Variants in RPH3AL observed in about 807,000 individuals in gnomAD.
RPH3AL encodes the protein rabphilin 3A like (without C2 domains).
A neutral mutation model predicts 43.1 loss-of-function variants in RPH3AL; 38 were observed. That is an observed-to-expected ratio of 0.88 (90% CI 0.68 to 1.15). RPH3AL has a LOEUF of 1.15. Among genes scored for constraint, RPH3AL ranks in the 50% most tolerant of loss-of-function variants. The pLI is 0.00. For missense variants in RPH3AL, 462 were observed against 423.2 expected (o/e 1.09, Z -0.81); for synonymous variants, 189 against 176.3 (o/e 1.07, Z -0.57).
chr17:253,020 CAGTA>C (rs1390236444), intron 6 of RPH3AL, among the ~76,000 whole-genome samples: 4 of 152,148 alleles, frequency 2.6e-5, no homozygotes, highest in South Asian at 2.1e-4. Context: ...CAGGAGGCTA[CAGTA>C]AGTGTTTTTG....
chr17:238,565 C>T (rs774326875), intron 7 of RPH3AL, among the ~76,000 whole-genome samples: 1 of 152,226 alleles, frequency 6.6e-6, no homozygotes, highest in Non-Finnish European at 1.5e-5. Flanking sequence ...AACTGCAGCA[C>T]CCATCTTGTG....
rs76811844 is a variant in RPH3AL, at chr17:213,306, C to T, written c.*546G>A. On this transcript the variant is annotated 3_prime_UTR_variant, in exon 10 of 10. Transcript: ENST00000331302. ...AAACTAAACAGACCCAGGTTTCACC[C>T]ACGGTCCTGGGCCAGCCCATGGGAG... is the stretch of plus-strand genomic sequence containing the variant. The T allele has an allele frequency of 0.082, 13,052 of 159,892 alleles. 657 individuals carry two copies. Among genetic ancestry groups the T allele is most frequent in the East Asian group, 0.16 (833 of 5,240 alleles). The allele number at this position is 159,892 out of a possible 1,614,324, so 9.9% of individuals were successfully genotyped here. A position where few individuals can be genotyped will look rare whatever the true frequency, so the allele number is the denominator to read the frequency against.
At position 264,605 on chromosome 17, in the gene RPH3AL, A is replaced by C. The variant is rs2042279464; in HGVS notation, c.438+17163T>G. On this transcript the variant is annotated intron_variant, in intron 6 of 9. Coordinates refer to ENST00000331302, the MANE Select transcript of RPH3AL (RefSeq NM_006987.4). This position sits in a 1 kb window ranked among gnomAD's most constrained non-coding sequence, Gnocchi z 4.8. ...TGGTGGTTTTCCGCTGATCGGTGTG[A>C]GGAGGGCATGAAGCATGTCACAAGG... Among the ~76,000 whole-genome samples, 1 of 152,190 alleles carries C rather than the reference A, an allele frequency of 6.6e-6. No individual in the cohort carries two copies. The highest frequency in any genetic ancestry group is 1.5e-5 in the Non-Finnish European group (1 of 68,026).
intron 6 of RPH3AL, among the ~76,000 whole-genome samples, chr17:275,249 C>CA (rs1006332907): frequency 1.2e-5 from 1 of 86,486 alleles, no homozygotes; most frequent in Non-Finnish European, 2.9e-5. Context: ...AAACAAAAAA[C>CA]AAAAAAAGGA....
intron 7 of RPH3AL, among the ~76,000 whole-genome samples, chr17:242,795 C>T (rs865807570): frequency 4.3e-4 from 15 of 34,744 alleles, no homozygotes; most frequent in East Asian, 1.3e-3. Context: ...CCTCTAATGA[C>T]TACCTTCCTC....
intron 5 of RPH3AL, among the ~76,000 whole-genome samples, chr17:314,100 A>C (rs2043742653): frequency 6.6e-6 from 1 of 152,202 alleles, no homozygotes; most frequent in Admixed American, 6.5e-5. Flanking sequence ...ACTGTTGCCT[A>C]AGACATGGCT....
intron 3 of RPH3AL, among the ~76,000 whole-genome samples, chr17:326,527 A>T (rs1410355176): frequency 6.6e-6 from 1 of 152,144 alleles, no homozygotes; most frequent in African/African-American, 2.4e-5. Context: ...GCCACAGTGC[A>T]CAGTCGGTGG....
In RPH3AL at chr17:215,529, G is replaced by A. The variant is rs1390517489; in HGVS notation, c.876+125C>T. 4.3e-6 allele frequency: 4 copies of A among 922,148 alleles called. No individual in the cohort carries two copies. Among genetic ancestry groups the A allele is most frequent in the African/African-American group, 1.7e-5 (1 of 58,346 alleles). The allele number at this position is 922,148 out of a possible 1,614,324, so 57.1% of individuals were successfully genotyped here. On this transcript the variant is annotated intron_variant, in intron 9 of 9. Coordinates refer to ENST00000331302, the MANE Select transcript of RPH3AL (RefSeq NM_006987.4). The surrounding 1 kb of genome is among the most constrained non-coding windows in gnomAD (Gnocchi z 4.1). ...CTGGCTCACCTTGTTCCCCCGCACA[G>A]TGCTTGGTAAACAACATGCAGAATT...
At chr17:349,697 CTAAT>C (rs963039980) in intron 1 of RPH3AL, among the ~76,000 whole-genome samples, 1 of 152,168 alleles carries the variant, frequency 6.6e-6, no homozygotes, top group Admixed American at 6.5e-5. Flanking sequence ...TAAAAATTAA[CTAAT>C]TAATTCAATT....
chr17:294,615 G>A (rs111865291), intron 5 of RPH3AL, among the ~76,000 whole-genome samples: 7 of 117,112 alleles, frequency 6.0e-5, no homozygotes, highest in African/African-American at 9.9e-5. Context: ...CAGTGTGGGA[G>A]GGACACAGAT....
intron 6 of RPH3AL, among the ~76,000 whole-genome samples, chr17:253,485 G>A (rs1297988583): frequency 6.6e-6 from 1 of 152,136 alleles, no homozygotes; most frequent in African/African-American, 2.4e-5. Flanking sequence ...TGGCCTCCGG[G>A]TATGCGCAAT....
chr17:265,967 G>T (rs549475812), intron 6 of RPH3AL, among the ~76,000 whole-genome samples: 54 of 152,312 alleles, frequency 3.5e-4, no homozygotes, highest in African/African-American at 1.3e-3. Flanking sequence ...AGGGGGCAAA[G>T]CACAAGCAAG....
At chr17:298,966 A>C (rs948949141) in intron 5 of RPH3AL, among the ~76,000 whole-genome samples, 1 of 151,830 alleles carries the variant, frequency 6.6e-6, no homozygotes, top group Non-Finnish European at 1.5e-5. Flanking sequence ...TGCTCAAGTC[A>C]GCAGGCTGCA....
chr17:281,653 G>C, intron 6 of RPH3AL, 115 bp downstream of exon 6: 1 of 654,738 alleles, frequency 1.5e-6, no homozygotes, highest in South Asian at 1.9e-5. Context: ...CCCCATCTGA[G>C]AGCGTATCCA....
At chr17:321,698 G>C (rs746633678) in intron 3 of RPH3AL, 1 of 412,320 alleles carries the variant, frequency 2.4e-6, no homozygotes, top group Non-Finnish European at 4.3e-6. Context: ...CCGGGGACAA[G>C]GCACATGGGC....
chr17:278,018 C>G (rs986123554), intron 6 of RPH3AL, among the ~76,000 whole-genome samples: 2 of 152,030 alleles, frequency 1.3e-5, no homozygotes, highest in Non-Finnish European at 2.9e-5. Context: ...CTCTAAGCAC[C>G]AACATGGTCT....
rs141313232 is a variant in RPH3AL at position 307,577 on chromosome 17, C to G, written c.351+11843G>C. On this transcript the variant is annotated intron_variant, in intron 5 of 9. Transcript: ENST00000331302. ...ATCTCTACCTCCTCAGCCCCGGGGC[C>G]TGGCACGAAGGTGAGCTGAGTGCAC... is the stretch of plus-strand genomic sequence containing the variant. Among the ~76,000 whole-genome samples the G allele has an allele frequency of 2.7e-3, 412 of 152,332 alleles. 3 individuals are homozygous for G. The highest frequency in any genetic ancestry group is 9.3e-3 in the African/African-American group (386 of 41,594).
At chr17:269,045 A>AT (rs899788136) in intron 6 of RPH3AL, among the ~76,000 whole-genome samples, 5 of 151,776 alleles carry the variant, frequency 3.3e-5, no homozygotes, top group South Asian at 4.2e-4. Context: ...CGCCTGGCTA[A>AT]TTTTTTGTAT....
intron 6 of RPH3AL, among the ~76,000 whole-genome samples, chr17:280,785 G>A (rs896316832): frequency 6.6e-6 from 1 of 152,178 alleles, no homozygotes; most frequent in Admixed American, 6.5e-5. Context: ...TGGGAGCTGT[G>A]GGGGATGGTT....
Sources: allele counts gnomAD v4.1 joint callset (sites outside exome capture counted in the v4.1 genomes callset), GRCh38; gene constraint gnomAD v4.1.1; non-coding constraint Gnocchi (gnomAD v3.1); transcripts MANE v1.5; gene names NCBI Gene and HGNC (gene_info 2026-07-23, HGNC 2026-07-21).